The following DYNC1I1 variants were observed in gnomAD, a reference collection of about 807,000 sequenced individuals.
DYNC1I1 encodes the protein cytoplasmic dynein 1 intermediate chain 1.
A neutral mutation model predicts 86.6 loss-of-function variants in DYNC1I1; 43 were observed. The ratio of observed to expected loss-of-function variants is 0.50; its 90% confidence interval spans 0.39 to 0.64. The LOEUF (loss-of-function observed/expected upper bound fraction) is 0.64. DYNC1I1 is among the 30% of genes least tolerant of loss of function. The pLI, the probability that DYNC1I1 is intolerant of heterozygous loss-of-function variation, is 0.00. For synonymous variants in DYNC1I1, 262 were observed against 283.7 expected (o/e 0.92, Z 0.77); for missense variants, 604 against 788.8 (o/e 0.77, Z 2.81).
intron 6 of DYNC1I1, among the ~76,000 whole-genome samples, chr7:95,910,646 G>T (rs988333750): frequency 6.6e-6 from 1 of 152,204 alleles, no homozygotes; most frequent in Admixed American, 6.5e-5. Flanking sequence ...TGGCTGCCTT[G>T]TCAAGGCATT....
intron 10 of DYNC1I1, among the ~76,000 whole-genome samples, chr7:96,013,369 G>A (rs575608323): frequency 2.0e-5 from 3 of 152,276 alleles, no homozygotes; most frequent in South Asian, 2.1e-4. Flanking sequence ...TCTACCCCTC[G>A]ATTTTAGTCC....
At chr7:95,998,559 T>C (rs1793929264) in intron 10 of DYNC1I1, among the ~76,000 whole-genome samples, 1 of 152,244 alleles carries the variant, frequency 6.6e-6, no homozygotes, top group Admixed American at 6.5e-5. Flanking sequence ...TGGTCATTTC[T>C]AGACACTAAC....
rs577827346 is a variant in DYNC1I1, at chr7:95,837,842, G to A, written c.374+9726G>A. 3.5e-3 allele frequency among the ~76,000 whole-genome samples: 532 copies of A among 152,252 alleles called. 1 individual carries two copies. The highest frequency in any genetic ancestry group is 0.012 in the African/African-American group (504 of 41,496). ...CTGCTTCGGCTCGCGCATGGTGCGC[G>A]CACCCACTGACCTGCGTCCACTGTC... is the stretch of plus-strand genomic sequence containing the variant. On this transcript the variant is annotated intron_variant, in intron 5 of 16. Coordinates refer to ENST00000447467, the MANE Select transcript of DYNC1I1 (RefSeq NM_001135556.2).
At chr7:95,828,531 ACTTTT>A (rs969904857) in intron 5 of DYNC1I1, among the ~76,000 whole-genome samples, 3 of 152,018 alleles carry the variant, frequency 2.0e-5, no homozygotes, top group African/African-American at 7.2e-5. Flanking sequence ...TTGTTTCTTT[ACTTTT>A]CTTTTCAGTT....
chr7:95,897,446 A>ATT (rs200728895), intron 6 of DYNC1I1, among the ~76,000 whole-genome samples: 9 of 106,316 alleles, frequency 8.5e-5, no homozygotes, highest in African/African-American at 1.7e-4. Context: ...ATTGACCATG[A>ATT]TTTTTTTTTT....
chr7:95,954,043 C>T (rs1383900319), intron 6 of DYNC1I1, among the ~76,000 whole-genome samples: 1 of 151,914 alleles, frequency 6.6e-6, no homozygotes, highest in African/African-American at 2.4e-5. Flanking sequence ...CTGGAAACAG[C>T]CCTGTGAACG....
chr7:96,034,481 C>A (rs933563411), intron 12 of DYNC1I1, among the ~76,000 whole-genome samples: 1 of 152,148 alleles, frequency 6.6e-6, no homozygotes, highest in Admixed American at 6.6e-5. Context: ...TGGAGGATTT[C>A]GTGACATGGC....
rs181006905 is a variant in DYNC1I1 at position 96,028,955 on chromosome 7, G to C, written c.1116+634G>C. Among the ~76,000 whole-genome samples the C allele has an allele frequency of 2.0e-5, 3 of 152,278 alleles. No homozygotes were observed. In the East Asian group the frequency reaches 5.8e-4, roughly 29 times the overall value. ...CAGGTGTGTACAGCAATTGTTCAGAGGAATGAGAAGACAGGCGTGTCTCCA... is the reference window on the plus strand; with the variant it reads ...CAGGTGTGTACAGCAATTGTTCAGACGAATGAGAAGACAGGCGTGTCTCCA... On this transcript the variant is annotated intron_variant, in intron 11 of 16. Coordinates refer to ENST00000447467, the MANE Select transcript of DYNC1I1 (RefSeq NM_001135556.2).
intron 9 of DYNC1I1, among the ~76,000 whole-genome samples, chr7:95,991,739 T>C (rs986423165): frequency 2.0e-5 from 3 of 152,168 alleles, no homozygotes; most frequent in Non-Finnish European, 4.4e-5. Context: ...CTCTTTGGAC[T>C]CTTGTCCCTG....
intron 6 of DYNC1I1, among the ~76,000 whole-genome samples, chr7:95,888,774 T>C (rs148072831): frequency 1.8e-4 from 28 of 152,340 alleles, no homozygotes; most frequent in African/African-American, 6.3e-4. Flanking sequence ...CATGACTTAG[T>C]AGCTGTTCGA....
intron 7 of DYNC1I1, among the ~76,000 whole-genome samples, chr7:95,981,891 A>G (rs1270544292): frequency 1.3e-5 from 2 of 152,202 alleles, no homozygotes; most frequent in African/African-American, 4.8e-5. Flanking sequence ...GAAAAGCTGT[A>G]GAAACAGATA....
At chr7:95,878,466 A>G (rs1157837578) in intron 6 of DYNC1I1, among the ~76,000 whole-genome samples, 1 of 152,204 alleles carries the variant, frequency 6.6e-6, no homozygotes, top group Non-Finnish European at 1.5e-5. Context: ...CACATAAACA[A>G]ACATTGAACT....
At chr7:95,811,402 C>T (rs1922334) in intron 3 of DYNC1I1, among the ~76,000 whole-genome samples, 28,897 of 151,754 alleles carry the variant, frequency 0.19, 3,112 homozygotes, top group East Asian at 0.31. Flanking sequence ...AAGTTAATTC[C>T]ATAATTTACT....
At chr7:95,956,683 T>G (rs1792724662) in intron 6 of DYNC1I1, among the ~76,000 whole-genome samples, 1 of 152,200 alleles carries the variant, frequency 6.6e-6, no homozygotes, top group African/African-American at 2.4e-5. Context: ...GTTTCCAGCT[T>G]CATCCATGTC....
chr7:96,085,659 C>A (rs891059418), intron 16 of DYNC1I1, among the ~76,000 whole-genome samples: 7 of 152,014 alleles, frequency 4.6e-5, no homozygotes, highest in Non-Finnish European at 1.0e-4. Context: ...AGAGAAGACC[C>A]CTTTTTATTA....
intron 9 of DYNC1I1, among the ~76,000 whole-genome samples, chr7:95,989,891 A>C (rs1181175596): frequency 6.6e-6 from 1 of 152,218 alleles, no homozygotes; most frequent in Non-Finnish European, 1.5e-5. Flanking sequence ...CCAGGATTAC[A>C]TACTTATGGG....
At chr7:95,784,098 C>A (rs1449506066) in intron 1 of DYNC1I1, among the ~76,000 whole-genome samples, 1 of 152,076 alleles carries the variant, frequency 6.6e-6, no homozygotes, top group Non-Finnish European at 1.5e-5. Context: ...GGAAGACTTC[C>A]CTTCCTGAAT....
chr7:95,784,782 T>C (rs1794085668), intron 1 of DYNC1I1, among the ~76,000 whole-genome samples: 1 of 152,226 alleles, frequency 6.6e-6, no homozygotes, highest in Non-Finnish European at 1.5e-5. Context: ...CCTGTGAACA[T>C]TGTCTGTAAA....
intron 6 of DYNC1I1, among the ~76,000 whole-genome samples, chr7:95,918,934 ATCT>A (rs1284778935): frequency 6.6e-6 from 1 of 152,146 alleles, no homozygotes; most frequent in Non-Finnish European, 1.5e-5. Flanking sequence ...ATCTTGTGAG[ATCT>A]TCTTAAAAGA....
Sources: gnomAD v4.1 joint callset for allele counts (sites outside exome capture counted in the v4.1 genomes callset) on GRCh38, gnomAD v4.1.1 for gene constraint, MANE v1.5 for transcripts, NCBI Gene and HGNC (gene_info 2026-07-23, HGNC 2026-07-21) for gene names.